PRKCB: variants seen among roughly 807,000 people sequenced by gnomAD.
PRKCB encodes protein kinase C beta.
A neutral mutation model predicts 81.5 loss-of-function variants in PRKCB; 13 were observed. That is an observed-to-expected ratio of 0.16 (90% confidence interval 0.10 to 0.25). The LOEUF is 0.25. Among genes scored for constraint, PRKCB ranks in the 10% least tolerant of loss-of-function variants. PRKCB has a pLI of 1.00. For synonymous variants in PRKCB, 335 were observed against 321.4 expected, an observed-to-expected ratio of 1.04 and a Z score of -0.45; for missense variants, 509 against 875.7, an observed-to-expected ratio of 0.58 and a Z score of 5.29.
intron 2 of PRKCB, among the ~76,000 whole-genome samples, chr16:23,938,610 T>G (rs1193934053): frequency 6.6e-6 from 1 of 152,326 alleles, no homozygotes; most frequent in South Asian, 2.1e-4. Context: ...GACTGGGAAG[T>G]AGATAACATA....
intron 3 of PRKCB, among the ~76,000 whole-genome samples, chr16:23,997,502 C>T (rs1964975878): frequency 6.6e-6 from 1 of 152,144 alleles, no homozygotes; most frequent in Non-Finnish European, 1.5e-5. Context: ...TTACAAATAC[C>T]AGCTATGACC....
intron 5 of PRKCB, among the ~76,000 whole-genome samples, chr16:24,075,698 C>G (rs1966168371): frequency 6.6e-6 from 1 of 152,184 alleles, no homozygotes; most frequent in South Asian, 2.1e-4. Context: ...CCAGTGTTAC[C>G]TGACTTTTAG....
At chr16:24,062,792 C>A (rs143602435) in intron 5 of PRKCB, among the ~76,000 whole-genome samples, 7 of 152,190 alleles carry the variant, frequency 4.6e-5, no homozygotes, top group Non-Finnish European at 8.8e-5. Flanking sequence ...TCTTCTTGTG[C>A]CAATTAGAAT....
At chr16:23,861,580 C>T (rs772814773) in intron 2 of PRKCB, among the ~76,000 whole-genome samples, 4 of 152,186 alleles carry the variant, frequency 2.6e-5, no homozygotes, top group Non-Finnish European at 4.4e-5. Flanking sequence ...CAGTTATTTG[C>T]TCTGCCATCC....
chr16:23,901,474 T>A (rs913482567), intron 2 of PRKCB, among the ~76,000 whole-genome samples: 3 of 152,068 alleles, frequency 2.0e-5, no homozygotes, highest in African/African-American at 4.8e-5. Context: ...GGAAACAGCT[T>A]TGAGAGCGGA....
chr16:24,108,001 C>CT (rs2141913170), intron 7 of PRKCB, among the ~76,000 whole-genome samples: 1 of 152,274 alleles, frequency 6.6e-6, no homozygotes, highest in African/African-American at 2.4e-5. Flanking sequence ...AAGAGAAAAT[C>CT]TCAGAGGTCT....
chr16:23,977,433 C>A (rs1202169723), intron 2 of PRKCB, among the ~76,000 whole-genome samples: 1 of 152,082 alleles, frequency 6.6e-6, no homozygotes, highest in Non-Finnish European at 1.5e-5. Context: ...GGGAGTGGGA[C>A]TTGAGCACTT....
Position 23,949,242 on chromosome 16 carries a change from G to A in PRKCB, c.206-39266G>A, listed in dbSNP as rs1964244795. Reference sequence around the variant, plus strand: ...AAAAGAAAGAAAGAACGAACGAATGGACAAAAGAAAGAACGAATGAAAGAA... The same window carrying A: ...AAAAGAAAGAAAGAACGAACGAATGAACAAAAGAAAGAACGAATGAAAGAA... On this transcript the variant is annotated intron_variant, in intron 2 of 16. Transcript: ENST00000643927. 2.0e-5 allele frequency among the ~76,000 whole-genome samples: 3 copies of A among 152,322 alleles called. No homozygotes were observed. In the South Asian group the frequency reaches 6.2e-4, roughly 32 times the overall value.
chr16:24,167,296 A>G (rs1005894615), intron 10 of PRKCB, among the ~76,000 whole-genome samples: 2 of 152,126 alleles, frequency 1.3e-5, no homozygotes, highest in Non-Finnish European at 2.9e-5. Flanking sequence ...TCCTTTTCTC[A>G]TTAGACATGT....
At chr16:24,104,843 G>C (rs2141910659) in intron 7 of PRKCB, among the ~76,000 whole-genome samples, 1 of 152,236 alleles carries the variant, frequency 6.6e-6, no homozygotes, top group Admixed American at 6.5e-5. Context: ...TATGGGGAGA[G>C]GGTTGGCGGA....
At chr16:24,122,468 T>TTTTTTCC (rs1555498212) in intron 8 of PRKCB, among the ~76,000 whole-genome samples, 1 of 138,930 alleles carries the variant, frequency 7.2e-6, no homozygotes, top group African/African-American at 3.3e-5. Context: ...TTTTTTTTTT[T>TTTTTTCC]AGTGAGAGAG....
intron 5 of PRKCB, among the ~76,000 whole-genome samples, chr16:24,069,514 G>A (rs1196933959): frequency 6.6e-6 from 1 of 152,132 alleles, no homozygotes; most frequent in East Asian, 1.9e-4. Context: ...AGGCCATGGT[G>A]GGAAGATTGC....
Position 24,219,898 on chromosome 16 carries a change from C to T in PRKCB, c.*5082C>T, listed in dbSNP as rs1231063744. ...ATGGTATCAGCCACCCAATGACTGGCGTATCTTGGTCCTGTGTCTTTCTTC... is the reference window on the plus strand; with the variant it reads ...ATGGTATCAGCCACCCAATGACTGGTGTATCTTGGTCCTGTGTCTTTCTTC... On this transcript the variant is annotated 3_prime_UTR_variant, in exon 17 of 17. Coordinates refer to ENST00000643927, the MANE Select transcript of PRKCB (RefSeq NM_002738.7). The T allele has an allele frequency of 1.5e-5, 23 of 1,570,838 alleles. No individual in the cohort carries two copies. Among genetic ancestry groups the T allele is most frequent in the South Asian group, 1.3e-4 (11 of 85,256 alleles).
chr16:23,857,907 A>G (rs1459685060), intron 2 of PRKCB, among the ~76,000 whole-genome samples: 2 of 152,166 alleles, frequency 1.3e-5, no homozygotes, highest in Admixed American at 6.5e-5. Context: ...AGTACTTTAC[A>G]TGTATTAACT....
chr16:24,013,503 A>G (rs555017641), intron 3 of PRKCB, among the ~76,000 whole-genome samples: 11 of 152,202 alleles, frequency 7.2e-5, no homozygotes, highest in Non-Finnish European at 1.5e-4. Flanking sequence ...CCTGTTTTAC[A>G]TGGTCGTTGA....
chr16:23,847,826 T>C (rs981088810), intron 2 of PRKCB, among the ~76,000 whole-genome samples: 2 of 152,230 alleles, frequency 1.3e-5, no homozygotes, highest in Admixed American at 1.3e-4. Flanking sequence ...TTAAAGATCT[T>C]CCTGGTCTTT....
At position 23,897,235 on chromosome 16, in the gene PRKCB, A is replaced by G. The variant is rs578055350; in HGVS notation, c.205+59829A>G. 8.5e-4 allele frequency among the ~76,000 whole-genome samples: 129 copies of G among 152,292 alleles called. 2 individuals carry two copies. Among genetic ancestry groups the G allele is most frequent in the African/African-American group, 3.0e-3 (125 of 41,558 alleles). Reference sequence around the variant, plus strand: ...TGCTGTGCTCTGTAGAGCTCTGAGCAGGGAGGGACGCAGTGGGAAAGAGCT... The same window carrying G: ...TGCTGTGCTCTGTAGAGCTCTGAGCGGGGAGGGACGCAGTGGGAAAGAGCT... On this transcript the variant is annotated intron_variant, in intron 2 of 16. Coordinates refer to ENST00000643927, the MANE Select transcript of PRKCB (RefSeq NM_002738.7).
intron 2 of PRKCB, among the ~76,000 whole-genome samples, chr16:23,869,936 C>T (rs1042883036): frequency 1.3e-5 from 2 of 151,562 alleles, no homozygotes; most frequent in African/African-American, 2.4e-5. Context: ...GCAGGAGAAT[C>T]GCTTAAACCT....
intron 2 of PRKCB, among the ~76,000 whole-genome samples, chr16:23,854,644 T>A (rs1361904503): frequency 2.0e-5 from 3 of 152,166 alleles, no homozygotes; most frequent in Non-Finnish European, 4.4e-5. Flanking sequence ...AGAACATGCA[T>A]AACATCACTT....
Sources: allele counts gnomAD v4.1 joint callset (sites outside exome capture counted in the v4.1 genomes callset), GRCh38; gene constraint gnomAD v4.1.1; transcripts MANE v1.5; gene names NCBI Gene and HGNC (gene_info 2026-07-23, HGNC 2026-07-21).